SLC2A7: variants seen among roughly 807,000 people sequenced by gnomAD.
The protein encoded by SLC2A7 is solute carrier family 2 member 7.
A neutral mutation model predicts 50.5 loss-of-function variants in SLC2A7; 50 were observed. The ratio of observed to expected loss-of-function variants is 0.99; its 90% confidence interval spans 0.79 to 1.25. The LOEUF is 1.25. Among genes scored for constraint, SLC2A7 ranks in the 50% most tolerant of loss-of-function variants. SLC2A7 has a pLI of 0.00. For missense variants in SLC2A7, 683 were observed against 679.1 expected (o/e 1.01, Z -0.06); for synonymous variants, 308 against 300.4 (o/e 1.03, Z -0.26).
At chr1:9,004,120 C>T (rs187614468) in intron 11 of SLC2A7, among the ~76,000 whole-genome samples, 3 of 151,816 alleles carry the variant, frequency 2.0e-5, no homozygotes, top group South Asian at 2.1e-4. Context: ...CCAGCACTTT[C>T]GAAGTTTGAG....
intron 8 of SLC2A7, among the ~76,000 whole-genome samples, chr1:9,011,836 G>A (rs1640755576): frequency 1.5e-5 from 2 of 134,230 alleles, no homozygotes; most frequent in South Asian, 2.6e-4. Context: ...TGCAACCTCC[G>A]CCTCCCGGGT....
At position 9,003,479 on chromosome 1, in the gene SLC2A7, T is replaced by C. The variant is rs1191716880; in HGVS notation, c.1360A>G (p.Ile454Val). 3 of 1,614,216 alleles carry C rather than the reference T, an allele frequency of 1.9e-6. No homozygotes were observed. The highest frequency in any genetic ancestry group is 1.7e-5 in the Admixed American group (1 of 60,026). The change falls in exon 12 of 12, where the codon ATC becomes GTC. Residue 454 changes from isoleucine (I) to valine (V), a missense_variant. Coordinates refer to ENST00000400906, the MANE Select transcript of SLC2A7 (RefSeq NM_207420.3). ...ATGTAAATCGCAGTGAGGAGGCAGA[T>C]TCCGGCAAAGATGATGAAACTGTAG... is the stretch of plus-strand genomic sequence containing the variant. Reference protein sequence around the residue: ...GAYSFIIFAGICLLTAIYIYV... With the variant: ...GAYSFIIFAGVCLLTAIYIYV...
rs558407794 is a variant in SLC2A7, at chr1:9,003,248, T to G, written c.*52A>C. On this transcript the variant is annotated 3_prime_UTR_variant, in exon 12 of 12. Coordinates refer to ENST00000400906, the MANE Select transcript of SLC2A7 (RefSeq NM_207420.3). ...CCAGAGCCTGGGGCCGGGAGGCCCA[T>G]TGTCATAGAAGGAAGCCTTGAATAT... The G allele has an allele frequency of 6.5e-5, 102 of 1,568,872 alleles. 3 individuals are homozygous for G. Among genetic ancestry groups the G allele is most frequent in the Middle Eastern group, 3.5e-4 (2 of 5,708 alleles).
At position 9,003,337 on chromosome 1, in the gene SLC2A7, G is replaced by A. The variant is rs1640602805; in HGVS notation, c.1502C>T (p.Pro501Leu). Residue 501 changes from proline (P) to leucine (L), a missense_variant, in exon 12 of 12, where the codon CCT becomes CTT. Transcript: ENST00000400906. The part of the protein sequence containing the change: ...EEKEETIDAG[P>L]PTASPAKETS... The stretch of plus-strand genomic sequence containing the variant: ...TTCCTTGGCAGGAGAGGCTGTGGGA[G>A]GCCCAGCATCAATGGTTTCTTCTTT... 2 of 1,614,222 alleles carry A rather than the reference G, an allele frequency of 1.2e-6. No homozygotes were observed. The highest frequency in any genetic ancestry group is 8.5e-7 in the Non-Finnish European group (1 of 1,180,030).
At chr1:9,020,285 T>C (rs779307745) in intron 3 of SLC2A7, among the ~76,000 whole-genome samples, 1 of 152,180 alleles carries the variant, frequency 6.6e-6, no homozygotes, top group Non-Finnish European at 1.5e-5. Context: ...ACTGGTGGTA[T>C]TCAAGCTGTC....
the SLC2A7 span, among the ~76,000 whole-genome samples, chr1:8,996,693 G>A: frequency 6.6e-6 from 1 of 152,080 alleles, no homozygotes; most frequent in Non-Finnish European, 1.5e-5. Context: ...CTTGTAGTCA[G>A]TATTTTAAAT....
chr1:9,016,308 T>C (rs1445482414), intron 5 of SLC2A7, among the ~76,000 whole-genome samples: 1 of 152,138 alleles, frequency 6.6e-6, no homozygotes, highest in Non-Finnish European at 1.5e-5. Context: ...TTCAGAAATG[T>C]CTGTAAAAAA....
intron 2 of SLC2A7, among the ~76,000 whole-genome samples, chr1:9,023,846 T>TTTTTG (rs1640954834): frequency 3.3e-5 from 1 of 30,650 alleles, no homozygotes; most frequent in Non-Finnish European, 6.2e-5. Context: ...TTCTTTTTTT[T>TTTTTG]TTTTTTTTTT....
In SLC2A7 at chr1:9,008,537, G is replaced by A. The variant is rs533764837; in HGVS notation, c.1117-1152C>T. 2.6e-4 allele frequency among the ~76,000 whole-genome samples: 40 copies of A among 152,004 alleles called. No homozygotes were observed. Among genetic ancestry groups the A allele is most frequent in the East Asian group, 5.8e-4 (3 of 5,170 alleles). ...ACTGGCGGTGGTCTCTGCAGGTGGC[G>A]CTCAGTCGTGCTCACCTCTTTTCAC... On this transcript the variant is annotated intron_variant, in intron 9 of 11. Coordinates refer to ENST00000400906, the MANE Select transcript of SLC2A7 (RefSeq NM_207420.3). The surrounding 1 kb of genome is among the most constrained non-coding windows in gnomAD (Gnocchi z 5.9).
At chr1:8,998,599 T>C (rs1286023663), downstream of SLC2A7, among the ~76,000 whole-genome samples, 1 of 152,124 alleles carries the variant, frequency 6.6e-6, no homozygotes, top group Admixed American at 6.6e-5. Context: ...CAAAATTGTT[T>C]TGGTTATTCT....
At chr1:9,017,772 G>A (rs903214868) in intron 5 of SLC2A7, among the ~76,000 whole-genome samples, 1 of 152,130 alleles carries the variant, frequency 6.6e-6, no homozygotes, top group Non-Finnish European at 1.5e-5. Flanking sequence ...CTCGCTCTCA[G>A]GCAATGGCCT....
rs747610995 is a variant in SLC2A7 at position 9,015,223 on chromosome 1, C to G, written c.609G>C (p.Ala203=). Residue 203 remains alanine (A), a synonymous_variant, in exon 6 of 12, where the codon GCG becomes GCC. Transcript: ENST00000400906. The stretch of plus-strand genomic sequence containing the variant: ...GCAGCAGGGCGGGCACCCCTGTGAG[C>G]GCCAGAAGCACCGGCCAGCCTGCAA... ...GNPAGWPVLL[A]LTGVPALLQL... 6.2e-7 allele frequency: 1 copy of G among 1,602,040 alleles called. No homozygotes were observed. Among genetic ancestry groups the G allele is most frequent in the Non-Finnish European group, 8.5e-7 (1 of 1,175,918 alleles).
intron 6 of SLC2A7, 39 bp downstream of exon 6, chr1:9,015,078 G>T (rs200213711): frequency 6.2e-7 from 1 of 1,610,160 alleles, no homozygotes; most frequent in South Asian, 1.1e-5. Context: ...TGGCCCCCGG[G>T]GTGGGCAGGG....
chr1:9,022,915 T>C lies in SLC2A7; in HGVS notation c.311+3A>G. On this transcript the variant is annotated splice_donor_region_variant and intron_variant, in intron 3 of 11. Transcript: ENST00000400906. ...AAGTGGGAGCAGTGCACCTTCTGTT[T>C]ACCTGCCGCAGCTATCAACCAGCAG... 6.2e-7 allele frequency: 1 copy of C among 1,613,764 alleles called. No individual in the cohort carries two copies. The highest frequency in any genetic ancestry group is 8.5e-7 in the Non-Finnish European group (1 of 1,179,874).
At chr1:9,004,942 G>A (rs1640633685) in intron 10 of SLC2A7, 63 bp from the exon 11 acceptor site, 1 of 1,551,278 alleles carries the variant, frequency 6.4e-7, no homozygotes. Context: ...GGGCTGGCGG[G>A]ACGCGGCCCA....
chr1:9,011,616 C>G (rs1640750974), intron 8 of SLC2A7, among the ~76,000 whole-genome samples: 1 of 152,086 alleles, frequency 6.6e-6, no homozygotes, highest in South Asian at 2.1e-4. Context: ...CTCATCTCTC[C>G]ACTTTTCCAC....
chr1:9,017,583 C>T (rs538220285), intron 5 of SLC2A7, among the ~76,000 whole-genome samples: 5 of 152,220 alleles, frequency 3.3e-5, no homozygotes, highest in East Asian at 1.9e-4. Flanking sequence ...TCTGTTGAGC[C>T]TGGACTAAAA....
intron 1 of SLC2A7, 121 bp downstream of exon 1, chr1:9,026,174 A>G (rs1640998009): frequency 2.8e-6 from 3 of 1,090,862 alleles, no homozygotes; most frequent in South Asian, 2.7e-5. Context: ...GTTATCCTGA[A>G]GAAAAAGGAA....
Position 9,008,695 on chromosome 1 carries a change from C to T in SLC2A7, c.1117-1310G>A, listed in dbSNP as rs866861436. 1.3e-5 allele frequency among the ~76,000 whole-genome samples: 2 copies of T among 151,084 alleles called. No homozygotes were observed. The highest frequency in any genetic ancestry group is 6.6e-5 in the Admixed American group (1 of 15,162). On this transcript the variant is annotated intron_variant, in intron 9 of 11. Transcript: ENST00000400906. The surrounding 1 kb of genome is among the most constrained non-coding windows in gnomAD (Gnocchi z 5.9). The stretch of plus-strand genomic sequence containing the variant: ...CACTGCAACCTCTGCCTCCTGAGTT[C>T]AAGTGATTCTCCTGCCTCAGCCTCC...
Sources: allele counts gnomAD v4.1 joint callset (sites outside exome capture counted in the v4.1 genomes callset), GRCh38; gene constraint gnomAD v4.1.1; non-coding constraint Gnocchi (gnomAD v3.1); transcripts MANE v1.5; gene names NCBI Gene and HGNC (gene_info 2026-07-23, HGNC 2026-07-21).